ZNF91: variants seen among roughly 807,000 people sequenced by gnomAD.
The protein encoded by ZNF91 is zinc finger protein 91 (HPF7, HTF10).
A neutral mutation model predicts 12.6 loss-of-function variants in ZNF91; 7 were observed. The observed-to-expected ratio is 0.55, with a 90% CI of 0.31 to 1.04. The LOEUF is 1.04. Among genes scored for constraint, ZNF91 ranks in the 50% least tolerant of loss-of-function variants. The pLI, the probability that ZNF91 is intolerant of heterozygous loss-of-function variation, is 0.05. For missense variants in ZNF91, 1,217 were observed against 1,385.4 expected (o/e 0.88, Z 1.93); for synonymous variants, 453 against 462.6 (o/e 0.98, Z 0.27).
At chr19:23,305,909 A>T (rs1967391402) in intron 3 of ZNF91, among the ~76,000 whole-genome samples, 1 of 152,242 alleles carries the variant, frequency 6.6e-6, no homozygotes. Flanking sequence ...CTATACAAAA[A>T]ACATTCTATA....
intron 1 of ZNF91, among the ~76,000 whole-genome samples, chr19:23,389,677 G>A (rs2145138413): frequency 6.6e-6 from 1 of 152,148 alleles, no homozygotes; most frequent in African/African-American, 2.4e-5. Flanking sequence ...TCTCATTCCT[G>A]GACACCCAGA....
rs1968539529 is a variant in ZNF91 at position 23,358,048 on chromosome 19, T to A, written c.*1355A>T. Reference sequence around the variant, plus strand: ...AATTAAAACTCACTGGCAAAAAAAATCACTAGAGATGTCAGTCCATTATCT... The same window carrying A: ...AATTAAAACTCACTGGCAAAAAAAAACACTAGAGATGTCAGTCCATTATCT... On this transcript the variant is annotated 3_prime_UTR_variant, in exon 4 of 4. Transcript: ENST00000300619. The A allele has an allele frequency of 6.6e-6, 1 of 152,102 alleles. No homozygotes were observed. Among genetic ancestry groups the A allele is most frequent in the Non-Finnish European group, 1.5e-5 (1 of 67,994 alleles). 9.4% of individuals were successfully genotyped at this position (152,102 alleles called of 1,614,324 possible).
intron 1 of ZNF91, among the ~76,000 whole-genome samples, chr19:23,393,050 T>TG (rs1388143301): frequency 2.0e-5 from 3 of 152,040 alleles, no homozygotes; most frequent in African/African-American, 7.2e-5. Context: ...TTTGGTTTTT[T>TG]GGGTTTTTTT....
At chr19:23,317,366 C>T (rs1179302491) in intron 1 of ZNF91, among the ~76,000 whole-genome samples, 1 of 152,086 alleles carries the variant, frequency 6.6e-6, no homozygotes, top group Non-Finnish European at 1.5e-5. Flanking sequence ...CATTTCTAAA[C>T]CTAGTTCATA....
At chr19:23,339,180 A>G (rs1968075911) in intron 3 of ZNF91, 1 of 152,186 alleles carries the variant, frequency 6.6e-6, no homozygotes, top group South Asian at 2.1e-4. Context: ...ATGGGGGGGA[A>G]TATATTAACA....
At chr19:23,321,255 A>G (rs1180164811) in intron 1 of ZNF91, among the ~76,000 whole-genome samples, 1 of 151,982 alleles carries the variant, frequency 6.6e-6, no homozygotes, top group Non-Finnish European at 1.5e-5. Flanking sequence ...AGGCGAGATG[A>G]CTCTATTCTC....
chr19:23,384,906 G>C, intron 1 of ZNF91: 2 of 772,136 alleles, frequency 2.6e-6, no homozygotes, highest in Non-Finnish European at 4.8e-6. Flanking sequence ...TGTCACCGGT[G>C]AACTTTAATT....
At chr19:23,386,546 G>C (rs1373415401) in intron 1 of ZNF91, among the ~76,000 whole-genome samples, 1 of 152,116 alleles carries the variant, frequency 6.6e-6, no homozygotes, top group East Asian at 1.9e-4. Flanking sequence ...AGTAACAATA[G>C]AAATGTGGAA....
chr19:23,327,573 T>TA (rs1254001598), intron 1 of ZNF91: 1 of 152,218 alleles, frequency 6.6e-6, no homozygotes, highest in African/African-American at 2.4e-5. Context: ...TGTCTTTTAA[T>TA]AAGTGCTTAC....
intron 1 of ZNF91, among the ~76,000 whole-genome samples, chr19:23,376,175 T>C (rs961470209): frequency 6.6e-6 from 1 of 152,158 alleles, no homozygotes; most frequent in African/African-American, 2.4e-5. Flanking sequence ...ATGTTCTCCA[T>C]CTTCACTAAG....
At chr19:23,333,227 T>G (rs1023743801) in intron 1 of ZNF91, among the ~76,000 whole-genome samples, 1 of 152,238 alleles carries the variant, frequency 6.6e-6, no homozygotes, top group Non-Finnish European at 1.5e-5. Context: ...AATTTAGTTT[T>G]GCTTTGGGTA....
rs61086202 is a variant in ZNF91, at chr19:23,379,539, G to C, written c.31-4775C>G. Among the ~76,000 whole-genome samples, 551 of 152,270 alleles carry C rather than the reference G, an allele frequency of 3.6e-3. 2 individuals are homozygous for C. Among genetic ancestry groups the C allele is most frequent in the African/African-American group, 0.013 (528 of 41,552 alleles). On this transcript the variant is annotated intron_variant, in intron 1 of 3. Transcript: ENST00000300619. Reference sequence around the variant, plus strand: ...GACGGTTACCGTAATTAGTTCACAAGTAGAAGAATTTACAGCGCCATGTCA... The same window carrying C: ...GACGGTTACCGTAATTAGTTCACAACTAGAAGAATTTACAGCGCCATGTCA...
At chr19:23,393,658 CA>C (rs371448123) in intron 1 of ZNF91, among the ~76,000 whole-genome samples, 3 of 151,094 alleles carry the variant, frequency 2.0e-5, no homozygotes, top group Non-Finnish European at 4.4e-5. Context: ...GAGTATTTAC[CA>C]AAAAAAACAA....
chr19:23,368,526 C>G (rs1350902656), intron 3 of ZNF91, among the ~76,000 whole-genome samples: 1 of 125,640 alleles, frequency 8.0e-6, no homozygotes, highest in Non-Finnish European at 1.6e-5. Context: ...CTCTCTCTCT[C>G]TCTCTCTCTC....
intron 3 of ZNF91, among the ~76,000 whole-genome samples, chr19:23,352,179 C>T (rs937581073): frequency 6.6e-6 from 1 of 152,180 alleles, no homozygotes; most frequent in Non-Finnish European, 1.5e-5. Context: ...CACCTGGAAA[C>T]AGACTCGGGG....
chr19:23,326,958 G>T (rs1967848489), intron 1 of ZNF91: 1 of 152,100 alleles, frequency 6.6e-6, no homozygotes, highest in South Asian at 2.1e-4. Flanking sequence ...AATGGATTTT[G>T]GTTTGAACTT....
chr19:23,357,210 G>A (rs1272080941), downstream of ZNF91, among the ~76,000 whole-genome samples: 3 of 151,758 alleles, frequency 2.0e-5, no homozygotes, highest in Non-Finnish European at 1.5e-5. Flanking sequence ...CCGGGAGAAA[G>A]ATTAAGACTC....
At chr19:23,392,515 C>T (rs538757231) in intron 1 of ZNF91, among the ~76,000 whole-genome samples, 1 of 151,904 alleles carries the variant, frequency 6.6e-6, no homozygotes, top group African/African-American at 2.4e-5. Flanking sequence ...GATATAGAAC[C>T]AGGCACGACA....
At chr19:23,338,422 C>T (rs1968056262), downstream of ZNF91, 1 of 151,246 alleles carries the variant, frequency 6.6e-6, no homozygotes, top group Admixed American at 6.6e-5. Flanking sequence ...GCTAGAATAA[C>T]CTTCACAAAT....
Sources: allele counts gnomAD v4.1 joint callset (sites outside exome capture counted in the v4.1 genomes callset), GRCh38; gene constraint gnomAD v4.1.1; transcripts MANE v1.5; gene names NCBI Gene and HGNC (gene_info 2026-07-23, HGNC 2026-07-21).